CCDC150: variants seen among roughly 807,000 people sequenced by gnomAD.
CCDC150 encodes coiled-coil domain-containing protein 150.
In CCDC150, 151 loss-of-function variants were observed where a neutral mutation model predicts 156.5. The ratio of observed to expected loss-of-function variants is 0.97; its 90% CI spans 0.85 to 1.10. The LOEUF is 1.10. Among genes scored for constraint, CCDC150 ranks in the 50% least tolerant of loss-of-function variants. The probability of loss-of-function intolerance (pLI) is 0.00; values close to 1 mark genes in which losing one functional copy is unlikely to be tolerated. For synonymous variants in CCDC150, 452 were observed against 429.4 expected (o/e 1.05, Z -0.65); for missense variants, 1,312 against 1,268.1 (o/e 1.03, Z -0.53).
chr2:196,713,095 G>A (rs1697247852), intron 17 of CCDC150: 1 of 490,252 alleles, frequency 2.0e-6, no homozygotes, highest in Non-Finnish European at 3.5e-6. Context: ...CTCTGCTGAT[G>A]AGTGATGAGG....
chr2:196,709,560 T>G (rs1696935362), intron 15 of CCDC150, among the ~76,000 whole-genome samples: 1 of 152,194 alleles, frequency 6.6e-6, no homozygotes, highest in Non-Finnish European at 1.5e-5. Flanking sequence ...GGTGAGGAGC[T>G]GTGATCCTTT....
chr2:196,728,813 A>G (rs969587984), intron 22 of CCDC150, among the ~76,000 whole-genome samples: 26 of 152,138 alleles, frequency 1.7e-4, no homozygotes, highest in African/African-American at 5.3e-4. Context: ...TTTGTATTCT[A>G]TGAAGTAGGC....
At chr2:196,675,607 A>G (rs1310300750) in intron 10 of CCDC150, among the ~76,000 whole-genome samples, 2 of 104,018 alleles carry the variant, frequency 1.9e-5, no homozygotes, top group African/African-American at 6.1e-5. Context: ...AAAATAAACT[A>G]TGTAAAACAG....
intron 15 of CCDC150, among the ~76,000 whole-genome samples, chr2:196,702,343 C>CTGTGTGTGTGTGTG (rs3220631): frequency 0.014 from 1,941 of 143,756 alleles, 26 homozygotes; most frequent in Non-Finnish European, 0.021. Context: ...GACTGAAGTG[C>CTGTGTGTGTGTGTG]TGTGTGTGTG....
chr2:196,646,949 A>G (rs1377463526), intron 2 of CCDC150, among the ~76,000 whole-genome samples: 1 of 152,160 alleles, frequency 6.6e-6, no homozygotes, highest in African/African-American at 2.4e-5. Context: ...TATAATTTAG[A>G]ATGAGATACT....
intron 10 of CCDC150, among the ~76,000 whole-genome samples, chr2:196,675,570 T>C (rs937521837): frequency 1.3e-5 from 2 of 152,024 alleles, no homozygotes; most frequent in East Asian, 1.9e-4. Context: ...TGTCATGTTT[T>C]GATAATTCCA....
chr2:196,727,455 T>G (rs1049984060), intron 22 of CCDC150: 2 of 152,138 alleles, frequency 1.3e-5, no homozygotes, highest in Admixed American at 6.5e-5. Context: ...AAATGTTGTA[T>G]CCTGGAGAGG....
intron 1 of CCDC150, among the ~76,000 whole-genome samples, chr2:196,641,679 GC>G: frequency 6.6e-6 from 1 of 150,608 alleles, no homozygotes; most frequent in South Asian, 2.1e-4. Context: ...CCCAACCCCT[GC>G]CCCCCGCCTC....
chr2:196,730,453 A>C (rs1326805754), intron 25 of CCDC150, among the ~76,000 whole-genome samples: 1 of 152,228 alleles, frequency 6.6e-6, no homozygotes, highest in Non-Finnish European at 1.5e-5. Context: ...CTTCTAGCAC[A>C]GATACACCTG....
chr2:196,724,889 C>G (rs979752655), intron 21 of CCDC150, among the ~76,000 whole-genome samples: 1 of 152,108 alleles, frequency 6.6e-6, no homozygotes, highest in African/African-American at 2.4e-5. Flanking sequence ...CCAATGACTT[C>G]AGGATCTCCA....
At position 196,718,732 on chromosome 2, in the gene CCDC150, G is replaced by A; in HGVS notation, c.1995+101G>A. ...CGCTTTCTTGCTTCCATTAGAATAA[G>A]GATTGATCAGGGGAGGATTTCTTTT... On this transcript the variant is annotated intron_variant, in intron 18 of 27. Coordinates refer to ENST00000389175, the MANE Select transcript of CCDC150 (RefSeq NM_001080539.2). 4.9e-6 allele frequency: 7 copies of A among 1,418,946 alleles called. No homozygotes were observed. In the Admixed American group the frequency reaches 9.3e-5, roughly 19 times the overall value. 87.9% of individuals were successfully genotyped at this position (1,418,946 alleles called of 1,614,324 possible).
At chr2:196,718,771 T>C in intron 18 of CCDC150, 140 bp downstream of exon 18, 1 of 1,168,116 alleles carries the variant, frequency 8.6e-7, no homozygotes, top group Non-Finnish European at 1.1e-6. Flanking sequence ...GGAGAAAAGA[T>C]AATTTTAGAA....
chr2:196,718,387 T>C, intron 17 of CCDC150, 116 bp from the exon 18 acceptor site: 1 of 730,604 alleles, frequency 1.4e-6, no homozygotes, highest in Middle Eastern at 4.2e-4. Flanking sequence ...AGATGGGTTC[T>C]ATTTATAGTA....
chr2:196,704,157 A>G (rs1046683397), intron 15 of CCDC150, among the ~76,000 whole-genome samples: 11 of 152,234 alleles, frequency 7.2e-5, no homozygotes, highest in African/African-American at 2.7e-4. Flanking sequence ...TGTATTTGGT[A>G]AAAGACTACA....
chr2:196,679,250 C>G (rs1333773528), intron 13 of CCDC150, among the ~76,000 whole-genome samples: 1 of 151,926 alleles, frequency 6.6e-6, no homozygotes, highest in Non-Finnish European at 1.5e-5. Context: ...ATGTAACCAC[C>G]ACCACAATCA....
At chr2:196,716,589 A>G (rs1575946608) in intron 17 of CCDC150, among the ~76,000 whole-genome samples, 2 of 152,384 alleles carry the variant, frequency 1.3e-5, no homozygotes, top group South Asian at 4.1e-4. Flanking sequence ...ACCTGTGAGA[A>G]TCACCAGAAG....
At chr2:196,639,875 C>T in intron 1 of CCDC150, 97 bp downstream of exon 1, 1 of 1,101,874 alleles carries the variant, frequency 9.1e-7, no homozygotes. Flanking sequence ...CGCCCTCTCC[C>T]TGTCCTGACG....
intron 19 of CCDC150, chr2:196,720,031 GAATT>G (rs1697786847): frequency 3.1e-6 from 1 of 317,488 alleles, no homozygotes; most frequent in Non-Finnish European, 6.5e-6. Flanking sequence ...ACTTTAGTTT[GAATT>G]AATTATCCAT....
chr2:196,672,351 C>T lies in CCDC150; in HGVS notation c.943C>T (p.Gln315Ter). ...SKLVEENKNLQISFNKEHEEN... is the reference protein window; with the variant it reads ...SKLVEENKNL The stretch of plus-strand genomic sequence containing the variant: ...GTAATTTTTTTTCTTATAGAACCTG[C>T]AGATATCTTTCAACAAGGAACATGA... Residue 315 changes from glutamine to a stop codon, truncating the protein, a stop_gained, in exon 9 of 28, where the codon CAG (glutamine) becomes TAG (stop). Coordinates refer to ENST00000389175, the MANE Select transcript of CCDC150 (RefSeq NM_001080539.2). LOFTEE classifies it high-confidence loss of function. 3.3e-6 allele frequency: 5 copies of T among 1,515,370 alleles called. No individual in the cohort carries two copies. The highest frequency in any genetic ancestry group is 4.4e-6 in the Non-Finnish European group (5 of 1,130,396). 93.9% of individuals were successfully genotyped at this position (1,515,370 alleles called of 1,614,324 possible). A position where few individuals can be genotyped will look rare whatever the true frequency, so the allele number is the denominator to read the frequency against.
Sources: gnomAD v4.1 joint callset for allele counts (sites outside exome capture counted in the v4.1 genomes callset) on GRCh38, gnomAD v4.1.1 for gene constraint, MANE v1.5 for transcripts, NCBI Gene and HGNC (gene_info 2026-07-23, HGNC 2026-07-21) for gene names.